The following PTPRT variants were observed in gnomAD, a reference collection of about 807,000 sequenced individuals.
The protein encoded by PTPRT is receptor-type tyrosine-protein phosphatase T.
A neutral mutation model predicts 176.8 loss-of-function variants in PTPRT; 56 were observed. That is an observed-to-expected ratio of 0.32 (90% CI 0.26 to 0.40). The LOEUF is 0.40. Among genes scored for constraint, PTPRT ranks in the 10% least tolerant of loss-of-function variants. The pLI is 1.00. For missense variants in PTPRT, 1,540 were observed against 1,908.2 expected (o/e 0.81, Z 3.60); for synonymous variants, 783 against 739.0 (o/e 1.06, Z -0.96).
At chr20:43,175,554 T>G (rs918646038) in intron 1 of PTPRT, among the ~76,000 whole-genome samples, 5 of 151,754 alleles carry the variant, frequency 3.3e-5, no homozygotes, top group Non-Finnish European at 5.9e-5. Flanking sequence ...GCTCTGACTG[T>G]GCCACTGCAC....
At chr20:42,046,365 A>C in the PTPRT span, among the ~76,000 whole-genome samples, 3 of 152,218 alleles carry the variant, frequency 2.0e-5, no homozygotes, top group Non-Finnish European at 4.4e-5. Context: ...CAGATGGAAA[A>C]ATCAATGCTT....
At chr20:43,144,560 C>T (rs1194266330) in intron 1 of PTPRT, among the ~76,000 whole-genome samples, 3 of 152,080 alleles carry the variant, frequency 2.0e-5, no homozygotes, top group Non-Finnish European at 4.4e-5. Flanking sequence ...ATCCATTTTC[C>T]TGGCATGGAA....
chr20:42,087,872 CAAAAAA>C (rs56235565), intron 27 of PTPRT, among the ~76,000 whole-genome samples: 304 of 89,046 alleles, frequency 3.4e-3, no homozygotes, highest in Middle Eastern at 7.2e-3. Context: ...GACTCCATTT[CAAAAAA>C]AAAAAAAAAA....
intron 1 of PTPRT, among the ~76,000 whole-genome samples, chr20:43,143,389 G>A (rs557390082): frequency 9.2e-5 from 14 of 152,232 alleles, no homozygotes; most frequent in East Asian, 7.7e-4. Context: ...TTGCTAACTC[G>A]GCCCTTGAAT....
chr20:42,139,878 C>T (rs1160818948), intron 18 of PTPRT, among the ~76,000 whole-genome samples: 1 of 152,248 alleles, frequency 6.6e-6, no homozygotes, highest in Non-Finnish European at 1.5e-5. Context: ...CATCACAGGG[C>T]CTGCTTTGAG....
chr20:42,296,445 CAAA>C (rs139929018), intron 12 of PTPRT, among the ~76,000 whole-genome samples: 1 of 123,746 alleles, frequency 8.1e-6, no homozygotes. Flanking sequence ...GACTCTGTCT[CAAA>C]AAAAAAAAAA....
intron 1 of PTPRT, among the ~76,000 whole-genome samples, chr20:43,084,097 G>C (rs6130288): frequency 6.6e-6 from 1 of 152,126 alleles, no homozygotes; most frequent in Non-Finnish European, 1.5e-5. Flanking sequence ...TGTGGACGTA[G>C]GTTTTCATTA....
At chr20:43,100,880 G>A (rs2012369980) in intron 1 of PTPRT, among the ~76,000 whole-genome samples, 1 of 151,104 alleles carries the variant, frequency 6.6e-6, no homozygotes, top group Admixed American at 6.6e-5. Flanking sequence ...TATCACTCTT[G>A]TGCACATGTG....
the PTPRT span, among the ~76,000 whole-genome samples, chr20:42,063,160 A>C: frequency 6.6e-6 from 1 of 152,286 alleles, no homozygotes; most frequent in Admixed American, 6.5e-5. Context: ...CCTTTTTGTT[A>C]GAGTGTATAC....
chr20:42,797,237 T>C (rs1245649817), intron 2 of PTPRT, among the ~76,000 whole-genome samples: 2 of 152,190 alleles, frequency 1.3e-5, no homozygotes, highest in African/African-American at 4.8e-5. Context: ...CTTCTTCCTT[T>C]CCACTCCCTT....
chr20:42,390,050 C>T (rs887358443), intron 9 of PTPRT, among the ~76,000 whole-genome samples: 37 of 152,126 alleles, frequency 2.4e-4, no homozygotes, highest in African/African-American at 8.9e-4. Context: ...TGGACTTATA[C>T]AGCCATCTAA....
In PTPRT at chr20:42,746,454, A is replaced by G. The variant is rs530911366; in HGVS notation, c.859+10008T>C. Among the ~76,000 whole-genome samples the G allele has an allele frequency of 8.5e-5, 13 of 152,198 alleles. No homozygotes were observed. The East Asian group carries it at 2.3e-3, about 27-fold the overall frequency. On this transcript the variant is annotated intron_variant, in intron 6 of 30. Coordinates refer to ENST00000373187, the MANE Select transcript of PTPRT (RefSeq NM_007050.6). ...TAGGCACGCACTTTGTTTAGGAACA[A>G]TTTTCATAGCCATGGCCTCTGACCC...
At chr20:42,255,454 T>C (rs535621834) in intron 13 of PTPRT, among the ~76,000 whole-genome samples, 1 of 152,304 alleles carries the variant, frequency 6.6e-6, no homozygotes, top group Admixed American at 6.5e-5. Flanking sequence ...TTTGTGTCTA[T>C]GAACTGTAGG....
intron 13 of PTPRT, among the ~76,000 whole-genome samples, chr20:42,269,909 CT>C (rs1357156932): frequency 6.6e-6 from 1 of 152,134 alleles, no homozygotes; most frequent in African/African-American, 2.4e-5. Flanking sequence ...GTTATGTCAA[CT>C]TTTTTCCCAA....
intron 6 of PTPRT, among the ~76,000 whole-genome samples, chr20:42,681,398 T>C (rs754429211): frequency 2.0e-5 from 3 of 152,168 alleles, no homozygotes; most frequent in Non-Finnish European, 4.4e-5. Context: ...AGAGGCAGTT[T>C]TGAAGCCTGT....
Position 42,161,425 on chromosome 20 carries a change from C to T in PTPRT, c.2609G>A (p.Arg870Gln), listed in dbSNP as rs780417311. The part of the protein sequence containing the change: ...YPRDQFQPAI[R>Q]VADLLQHITQ... The stretch of plus-strand genomic sequence containing the variant: ...GATGTGCTGCAGCAAGTCAGCCACC[C>T]GGATGGCGGGTTGGAACTGGTCCCG... Residue 870 changes from arginine (R) to glutamine (Q), a missense_variant, in exon 17 of 31, where the codon CGG becomes CAG. Arg to Gln is a conservative substitution (Grantham distance 43). Around this residue, in one of 11 missense-constraint regions of PTPRT, gnomAD observed 255 missense variants for 250.1 expected, o/e 1.02. Coordinates refer to ENST00000373187, the MANE Select transcript of PTPRT (RefSeq NM_007050.6). The T allele has an allele frequency of 2.7e-5, 43 of 1,614,110 alleles. No individual in the cohort carries two copies. Among genetic ancestry groups the T allele is most frequent in the Middle Eastern group, 3.3e-4 (2 of 6,062 alleles).
chr20:42,060,768 GAA>G, the PTPRT span, among the ~76,000 whole-genome samples: 3 of 152,154 alleles, frequency 2.0e-5, no homozygotes, highest in Non-Finnish European at 2.9e-5. Context: ...TCAGCAGCAT[GAA>G]AAGAGACGAA....
At chr20:42,168,803 T>C (rs1989947347) in intron 16 of PTPRT, among the ~76,000 whole-genome samples, 1 of 152,228 alleles carries the variant, frequency 6.6e-6, no homozygotes. Flanking sequence ...TTCTGAATTC[T>C]AGACTTGCAC....
chr20:42,289,037 G>A (rs1015631706), intron 12 of PTPRT, among the ~76,000 whole-genome samples: 12 of 151,914 alleles, frequency 7.9e-5, no homozygotes, highest in Admixed American at 5.3e-4. Context: ...AAGGACACCC[G>A]ATTCAAAAAA....
Sources: gnomAD v4.1 joint callset for allele counts (sites outside exome capture counted in the v4.1 genomes callset) on GRCh38, gnomAD v4.1.1 for gene constraint, gnomAD v4.1.1 regional missense constraint, MANE v1.5 for transcripts, NCBI Gene and HGNC (gene_info 2026-07-23, HGNC 2026-07-21) for gene names.